EHBP1: variants seen among roughly 807,000 people sequenced by gnomAD.
EHBP1 encodes EH domain-binding protein 1.
In EHBP1, 55 loss-of-function variants were observed where a neutral mutation model predicts 144.0. The ratio of observed to expected loss-of-function variants is 0.38; its 90% CI spans 0.31 to 0.48. The LOEUF is 0.48. Among genes scored for constraint, EHBP1 ranks in the 20% least tolerant of loss-of-function variants. The probability of loss-of-function intolerance (pLI) is 0.98; values close to 1 mark genes in which losing one functional copy is unlikely to be tolerated. For synonymous variants in EHBP1, 469 were observed against 472.7 expected (o/e 0.99, Z 0.10); for missense variants, 1,200 against 1,364.2 (o/e 0.88, Z 1.90).
chr2:62,800,845 A>G (rs145971985), intron 5 of EHBP1, among the ~76,000 whole-genome samples: 1 of 152,282 alleles, frequency 6.6e-6, no homozygotes, highest in Non-Finnish European at 1.5e-5. Flanking sequence ...GGGCATACCA[A>G]CCATCACCCT....
At chr2:62,946,116 C>T (rs2057049858) in intron 12 of EHBP1, among the ~76,000 whole-genome samples, 1 of 152,038 alleles carries the variant, frequency 6.6e-6, no homozygotes, top group African/African-American at 2.4e-5. Flanking sequence ...ATAAAATAAA[C>T]CATTTTTTAA....
At chr2:62,817,137 T>C (rs2045508468) in intron 5 of EHBP1, among the ~76,000 whole-genome samples, 1 of 152,236 alleles carries the variant, frequency 6.6e-6, no homozygotes, top group Non-Finnish European at 1.5e-5. Context: ...AGTGGCTATA[T>C]GCTATGGCTC....
At chr2:62,706,143 C>A in intron 1 of EHBP1, 91 bp downstream of exon 1, 1 of 153,210 alleles carries the variant, frequency 6.5e-6, no homozygotes, top group South Asian at 1.9e-4. Flanking sequence ...TGACAGGGAC[C>A]GCGGACGAGC....
chr2:62,930,399 A>G (rs2055889813), intron 10 of EHBP1, among the ~76,000 whole-genome samples: 1 of 152,244 alleles, frequency 6.6e-6, no homozygotes, highest in Non-Finnish European at 1.5e-5. Context: ...AAATGGAAAG[A>G]TATCCCGTGT....
At chr2:62,857,794 TA>T (rs2152785509) in intron 7 of EHBP1, among the ~76,000 whole-genome samples, 1 of 152,246 alleles carries the variant, frequency 6.6e-6, no homozygotes, top group African/African-American at 2.4e-5. Flanking sequence ...AGTTCTCTTT[TA>T]TTGTTTTTAT....
chr2:62,780,625 C>T (rs1039738314), intron 5 of EHBP1, among the ~76,000 whole-genome samples: 7 of 151,968 alleles, frequency 4.6e-5, no homozygotes, highest in Non-Finnish European at 7.4e-5. Flanking sequence ...TTTTGTTGCA[C>T]TTAAAAAAAG....
chr2:62,758,372 G>A (rs1395055464), intron 3 of EHBP1, among the ~76,000 whole-genome samples: 3 of 152,098 alleles, frequency 2.0e-5, no homozygotes, highest in African/African-American at 4.8e-5. Context: ...GCCTCCCAAA[G>A]TGTGGGATTA....
Position 62,870,487 on chromosome 2 carries a change from GGTGGATCACCTGAGGTCAGGAGTTT to G in EHBP1, c.999-3857_999-3833del, listed in dbSNP as rs566135833. On this transcript the variant is annotated intron_variant, in intron 9 of 22. Coordinates refer to ENST00000431489, the MANE Select transcript of EHBP1 (RefSeq NM_001142616.3). ...CCCAACACTTTGGGAGGCCAAGGCA[GGTGGATCACCTGAGGTCAGGAGTTT>G]GAGACCAGCCTGACCAACATGGTGA... Among the ~76,000 whole-genome samples the G allele has an allele frequency of 3.1e-3, 468 of 152,118 alleles. 2 individuals are homozygous for G. Among genetic ancestry groups the G allele is most frequent in the African/African-American group, 0.011 (439 of 41,512 alleles).
chr2:62,737,964 T>C (rs1296967439), intron 2 of EHBP1, among the ~76,000 whole-genome samples: 1 of 152,108 alleles, frequency 6.6e-6, no homozygotes, highest in Non-Finnish European at 1.5e-5. Flanking sequence ...AAGGTCTCAC[T>C]ATGTTGTCCA....
chr2:62,691,566 G>T (rs1024028601), intron 1 of EHBP1, among the ~76,000 whole-genome samples: 3 of 152,140 alleles, frequency 2.0e-5, no homozygotes, highest in African/African-American at 4.8e-5. Flanking sequence ...AGGAGAATGG[G>T]TATTGACAGG....
At chr2:62,806,762 A>C (rs1021943347) in intron 5 of EHBP1, among the ~76,000 whole-genome samples, 9 of 150,968 alleles carry the variant, frequency 6.0e-5, no homozygotes, top group Non-Finnish European at 1.2e-4. Context: ...TTTGGCTTTT[A>C]GTTCCCCCAG....
chr2:63,027,335 C>A (rs188638676), intron 19 of EHBP1, among the ~76,000 whole-genome samples: 36 of 152,172 alleles, frequency 2.4e-4, no homozygotes, highest in African/African-American at 8.7e-4. Context: ...CAATACAGAC[C>A]CAAGTTCGTC....
rs185881284 is a variant in EHBP1 at position 62,695,902 on chromosome 2, A to T, written c.-295-10995A>T. 3.7e-3 allele frequency among the ~76,000 whole-genome samples: 566 copies of T among 152,078 alleles called. 3 individuals are homozygous for T. Among genetic ancestry groups the T allele is most frequent in the African/African-American group, 0.013 (529 of 41,486 alleles). On this transcript the variant is annotated intron_variant, in intron 1 of 22. Transcript: ENST00000405015. ...TAATTTTTGTATTTTTTGTAGAGAC[A>T]GGGTTTTGACACGTTGCTCAGGCTG...
intron 10 of EHBP1, among the ~76,000 whole-genome samples, chr2:62,888,318 A>G (rs1418379620): frequency 1.3e-5 from 2 of 152,250 alleles, no homozygotes; most frequent in Non-Finnish European, 2.9e-5. Context: ...AGCATCAAGA[A>G]TACCCCTAAA....
At chr2:62,881,155 C>T (rs997907743) in intron 10 of EHBP1, among the ~76,000 whole-genome samples, 3 of 152,024 alleles carry the variant, frequency 2.0e-5, no homozygotes, top group Non-Finnish European at 4.4e-5. Context: ...AAACCAAATA[C>T]TGCATGTTGT....
chr2:62,708,361 C>T (rs888685884), intron 2 of EHBP1, among the ~76,000 whole-genome samples: 4 of 152,184 alleles, frequency 2.6e-5, no homozygotes, highest in African/African-American at 4.8e-5. Flanking sequence ...AACATAATCC[C>T]TGTCCTCAAG....
chr2:62,712,504 C>G (rs2035246273), intron 2 of EHBP1, among the ~76,000 whole-genome samples: 1 of 152,106 alleles, frequency 6.6e-6, no homozygotes, highest in South Asian at 2.1e-4. Flanking sequence ...ATATTTTAAT[C>G]CAACTGTGTT....
At chr2:63,017,652 A>C (rs541628936) in intron 19 of EHBP1, among the ~76,000 whole-genome samples, 1 of 152,280 alleles carries the variant, frequency 6.6e-6, no homozygotes, top group East Asian at 1.9e-4. Context: ...TCTCCTTTGA[A>C]ATAAAAGATG....
intron 14 of EHBP1, among the ~76,000 whole-genome samples, chr2:62,956,841 A>G (rs776923362): frequency 2.0e-5 from 3 of 152,214 alleles, no homozygotes; most frequent in Non-Finnish European, 2.9e-5. Flanking sequence ...CTTTCAGCTA[A>G]TAAGACCTCT....
Sources: allele counts gnomAD v4.1 joint callset (sites outside exome capture counted in the v4.1 genomes callset), GRCh38; gene constraint gnomAD v4.1.1; transcripts MANE v1.5; gene names NCBI Gene and HGNC (gene_info 2026-07-23, HGNC 2026-07-21).